The following CAV3 variants were observed in gnomAD, a reference collection of about 807,000 sequenced individuals.
CAV3 encodes caveolin 3.
In CAV3, 10 loss-of-function variants were observed where a neutral mutation model predicts 13.4. That is an observed-to-expected ratio of 0.75 (90% confidence interval 0.46 to 1.27). The LOEUF (loss-of-function observed/expected upper bound fraction) is 1.27, where lower values mean the gene tolerates loss of function less well. CAV3 is among the 50% of genes most tolerant of loss of function. The pLI is 0.00. For missense variants in CAV3, 162 were observed against 194.0 expected (o/e 0.83, Z 0.98); for synonymous variants, 90 against 79.0 (o/e 1.14, Z -0.74).
At chr3:8,735,246 T>C (rs1413100145) in intron 1 of CAV3, among the ~76,000 whole-genome samples, 1 of 152,262 alleles carries the variant, frequency 6.6e-6, no homozygotes, top group Admixed American at 6.5e-5. Context: ...TTAATGTTCC[T>C]GATATTTCTT....
At position 8,745,929 on chromosome 3, in the gene CAV3, G is replaced by T. The variant is rs1375280029; in HGVS notation, c.*62G>T. On this transcript the variant is annotated 3_prime_UTR_variant, in exon 2 of 2. Coordinates refer to ENST00000343849, the MANE Select transcript of CAV3 (RefSeq NM_033337.3). The surrounding 1 kb of genome is among the most constrained non-coding windows in gnomAD (Gnocchi z 4.8). The stretch of plus-strand genomic sequence containing the variant: ...TGGTGGGCCAGACTGGTCCCCGGGG[G>T]ACTTCTTCACAGGGGCTGCTGGCGA... The T allele has an allele frequency of 2.9e-6, 4 of 1,394,340 alleles. No homozygotes were observed. Among genetic ancestry groups the T allele is most frequent in the African/African-American group, 1.4e-5 (1 of 70,864 alleles). 86.4% of individuals were successfully genotyped at this position (1,394,340 alleles called of 1,614,324 possible).
Position 8,733,866 on chromosome 3 carries a change from C to A in CAV3, c.-11C>A. ...CTCGGATCTCCTCCTGTGGATCCCC[C>A]CAGCTCTGCGATGATGGCAGAAGAG... On this transcript the variant is annotated 5_prime_UTR_variant, in exon 1 of 2. Transcript: ENST00000343849. 1.3e-6 allele frequency: 2 copies of A among 1,562,956 alleles called. No homozygotes were observed. The highest frequency in any genetic ancestry group is 1.8e-6 in the Non-Finnish European group (2 of 1,133,288).
intron 1 of CAV3, among the ~76,000 whole-genome samples, chr3:8,739,153 G>A (rs1244696725): frequency 1.3e-5 from 2 of 152,208 alleles, no homozygotes; most frequent in African/African-American, 4.8e-5. Flanking sequence ...AGTGTTATGA[G>A]GACTCCTGGG....
intron 1 of CAV3, among the ~76,000 whole-genome samples, chr3:8,738,563 T>A (rs894454432): frequency 6.6e-6 from 1 of 152,050 alleles, no homozygotes; most frequent in African/African-American, 2.4e-5. Flanking sequence ...CATGGGAGGT[T>A]AGGAGAGGAA....
chr3:8,734,110 G>A, intron 1 of CAV3, 120 bp downstream of exon 1: 1 of 703,762 alleles, frequency 1.4e-6, no homozygotes, highest in Admixed American at 2.0e-5. Context: ...TTGTTGCTCT[G>A]TTGTCTCTGT....
At chr3:8,738,402 G>A (rs1707835653) in intron 1 of CAV3, among the ~76,000 whole-genome samples, 2 of 152,204 alleles carry the variant, frequency 1.3e-5, no homozygotes, top group African/African-American at 4.8e-5. Context: ...CCAGGTTTGT[G>A]CTCATCAGGG....
Position 8,745,819 on chromosome 3 carries a change from G to A in CAV3, c.408G>A (p.Leu136=), listed in dbSNP as rs1488311036. 1 of 1,613,774 alleles carries A rather than the reference G, an allele frequency of 6.2e-7. No individual in the cohort carries two copies. Among genetic ancestry groups the A allele is most frequent in the South Asian group, 1.1e-5 (1 of 91,072 alleles). ...RTFCNPLFAA[L]GQVCSSIKVV... ...TCTGCAACCCACTCTTCGCGGCCCT[G>A]GGCCAGGTCTGCAGCAGCATCAAGG... is the stretch of plus-strand genomic sequence containing the variant. Residue 136 remains leucine, a synonymous_variant, in exon 2 of 2, where the codon CTG becomes CTA. Coordinates refer to ENST00000343849, the MANE Select transcript of CAV3 (RefSeq NM_033337.3). This position sits in a 1 kb window ranked among gnomAD's most constrained non-coding sequence, Gnocchi z 4.8.
At chr3:8,739,704 G>A (rs1707888874) in intron 1 of CAV3, among the ~76,000 whole-genome samples, 1 of 152,008 alleles carries the variant, frequency 6.6e-6, no homozygotes, top group African/African-American at 2.4e-5. Context: ...AAGACACCTG[G>A]AGCCCAGAGT....
intron 1 of CAV3, among the ~76,000 whole-genome samples, chr3:8,738,041 T>TCC (rs1394386876): frequency 4.7e-5 from 6 of 127,824 alleles, no homozygotes; most frequent in Non-Finnish European, 8.2e-5. Context: ...CTCTGTCTTC[T>TCC]CTCTCTCTCT....
intron 1 of CAV3, among the ~76,000 whole-genome samples, chr3:8,744,316 T>C (rs1708073321): frequency 6.8e-6 from 1 of 147,718 alleles, no homozygotes; most frequent in Non-Finnish European, 1.5e-5. Context: ...TCTCGCTCTG[T>C]CACCCAGGCT....
rs141816229 is a variant in CAV3 at position 8,744,445 on chromosome 3, A to ATTTTTTTTTTTTTTTTT, written c.115-1073_115-1057dup. Among the ~76,000 whole-genome samples the ATTTTTTTTTTTTTTTTT allele has an allele frequency of 4.5e-5, 5 of 111,408 alleles. 1 individual carries two copies. The highest frequency in any genetic ancestry group is 6.9e-5 in the Non-Finnish European group (4 of 58,192). 73.1% of individuals were successfully genotyped at this position (111,408 alleles called of 152,430 possible). A position where few individuals can be genotyped will look rare whatever the true frequency, so the allele number is the denominator to read the frequency against. On this transcript the variant is annotated intron_variant, in intron 1 of 1. Coordinates refer to ENST00000343849, the MANE Select transcript of CAV3 (RefSeq NM_033337.3). Reference sequence around the variant, plus strand: ...AGACACCCGCTGCCATACCCGGCTAATTTTTTTTTTTTTTTTTTTTTTTTG... The same window carrying ATTTTTTTTTTTTTTTTT: ...AGACACCCGCTGCCATACCCGGCTAATTTTTTTTTTTTTTTTTTTTTTTTTTTTTTTTTTTTTTTTTG...
chr3:8,744,738 G>A (rs915448190), intron 1 of CAV3: 1 of 152,264 alleles, frequency 6.6e-6, no homozygotes, highest in Non-Finnish European at 1.5e-5. Context: ...GTAAATTGCT[G>A]TAGGATGCAT....
chr3:8,745,630 C>T lies in CAV3; in HGVS notation c.219C>T (p.Tyr73=). 6.2e-7 allele frequency: 1 copy of T among 1,614,144 alleles called. No homozygotes were observed. The highest frequency in any genetic ancestry group is 1.1e-5 in the South Asian group (1 of 91,070). ...TTFTVSKYWC[Y]RLLSTLLGVP... Reference sequence around the variant, plus strand: ...TCACTGTCTCCAAGTACTGGTGCTACCGTCTGTTGTCCACGCTGCTGGGCG... The same window carrying T: ...TCACTGTCTCCAAGTACTGGTGCTATCGTCTGTTGTCCACGCTGCTGGGCG... Residue 73 remains tyrosine, a synonymous_variant, in exon 2 of 2, where the codon TAC becomes TAT. Transcript: ENST00000343849. The surrounding 1 kb of genome is among the most constrained non-coding windows in gnomAD (Gnocchi z 4.8).
In CAV3 at chr3:8,746,205, A is replaced by G; in HGVS notation, c.*338A>G. The G allele has an allele frequency of 4.4e-6, 1 of 228,274 alleles. No homozygotes were observed. Among genetic ancestry groups the G allele is most frequent in the Non-Finnish European group, 8.8e-6 (1 of 114,218 alleles). The allele number at this position is 228,274 out of a possible 1,614,324, so 14.1% of individuals were successfully genotyped here. ...GTTCCCACCCGGGGCCAACCTCTCC[A>G]CGCGCACTCAGGAAAGTGACCAGTG... On this transcript the variant is annotated 3_prime_UTR_variant, in exon 2 of 2. Coordinates refer to ENST00000343849, the MANE Select transcript of CAV3 (RefSeq NM_033337.3).
Position 8,745,553 on chromosome 3 carries a change from C to G in CAV3, c.142C>G (p.Pro48Ala), listed in dbSNP as rs996212719. ...KVDFEDVIAEPVGTYSFDGVW... is the reference protein window; with the variant it reads ...KVDFEDVIAEAVGTYSFDGVW... Reference sequence around the variant, plus strand: ...GGATTTTGAAGACGTGATCGCAGAGCCTGTGGGCACCTACAGCTTTGACGG... The same window carrying G: ...GGATTTTGAAGACGTGATCGCAGAGGCTGTGGGCACCTACAGCTTTGACGG... Residue 48 changes from proline (P) to alanine (A), a missense_variant, in exon 2 of 2, where the codon CCT becomes GCT. Pro to Ala is a conservative substitution (Grantham distance 27). Coordinates refer to ENST00000343849, the MANE Select transcript of CAV3 (RefSeq NM_033337.3). The surrounding 1 kb of genome is among the most constrained non-coding windows in gnomAD (Gnocchi z 4.8). 1 of 1,614,150 alleles carries G rather than the reference C, an allele frequency of 6.2e-7. No individual in the cohort carries two copies. The highest frequency in any genetic ancestry group is 8.5e-7 in the Non-Finnish European group (1 of 1,180,020).
At chr3:8,737,953 G>A (rs897538294) in intron 1 of CAV3, among the ~76,000 whole-genome samples, 1 of 151,772 alleles carries the variant, frequency 6.6e-6, no homozygotes, top group African/African-American at 2.4e-5. Flanking sequence ...GAGGGCTTAG[G>A]GCCACCTCAC....
intron 1 of CAV3, chr3:8,742,360 CA>C (rs36055094): frequency 0.029 from 6,883 of 240,358 alleles, no homozygotes; most frequent in South Asian, 0.068. Context: ...CTGCAAACAC[CA>C]AAAAAAAAAA....
intron 1 of CAV3, among the ~76,000 whole-genome samples, chr3:8,743,844 C>T (rs1488598932): frequency 6.6e-6 from 1 of 152,324 alleles, no homozygotes; most frequent in East Asian, 1.9e-4. Flanking sequence ...ACAATCATAT[C>T]TTTAGTAATA....
chr3:8,736,950 T>C (rs1444778353), intron 1 of CAV3, among the ~76,000 whole-genome samples: 1 of 152,186 alleles, frequency 6.6e-6, no homozygotes, highest in Non-Finnish European at 1.5e-5. Flanking sequence ...CAAACAGGTT[T>C]AGGTAGATTT....
Sources: allele counts gnomAD v4.1 joint callset (sites outside exome capture counted in the v4.1 genomes callset), GRCh38; gene constraint gnomAD v4.1.1; non-coding constraint Gnocchi (gnomAD v3.1); transcripts MANE v1.5; gene names NCBI Gene and HGNC (gene_info 2026-07-23, HGNC 2026-07-21).